MARCKS: variants seen among roughly 807,000 people sequenced by gnomAD.
MARCKS encodes the protein myristoylated alanine rich protein kinase C substrate.
A neutral mutation model predicts 6.3 loss-of-function variants in MARCKS; 4 were observed. The observed-to-expected ratio is 0.63, with a 90% confidence interval of 0.31 to 1.45. The LOEUF is 1.45. Ranked by LOEUF, MARCKS falls within the 40% of genes most tolerant of loss-of-function variation. The probability of loss-of-function intolerance (pLI) is 0.07; values close to 1 mark genes in which losing one functional copy is unlikely to be tolerated. For missense variants in MARCKS, 636 were observed against 485.7 expected, an observed-to-expected ratio of 1.31 and a Z score of -2.91; for synonymous variants, 289 against 236.5, an observed-to-expected ratio of 1.22 and a Z score of -2.04.
intron 1 of MARCKS, among the ~76,000 whole-genome samples, chr6:113,858,633 C>T (rs1163364021): frequency 6.6e-6 from 1 of 152,218 alleles, no homozygotes; most frequent in Non-Finnish European, 1.5e-5. Flanking sequence ...CCCGGCGCTG[C>T]CCGGACCCAG....
chr6:113,857,691 A>T lies in MARCKS; in HGVS notation c.-55A>T. 1 of 1,322,328 alleles carries T rather than the reference A, an allele frequency of 7.6e-7. No individual in the cohort carries two copies. Among genetic ancestry groups the T allele is most frequent in the Non-Finnish European group, 1.0e-6 (1 of 975,226 alleles). 81.9% of individuals were successfully genotyped at this position (1,322,328 alleles called of 1,614,324 possible). A position where few individuals can be genotyped will look rare whatever the true frequency, so the allele number is the denominator to read the frequency against. On this transcript the variant is annotated 5_prime_UTR_variant, in exon 1 of 2. Coordinates refer to ENST00000612661, the MANE Select transcript of MARCKS (RefSeq NM_002356.7). Reference sequence around the variant, plus strand: ...CTCGCCCCGTCGTTACACCAACCCGAGGCTCTTTGTTTCCCCTCTTGGATC... The same window carrying T: ...CTCGCCCCGTCGTTACACCAACCCGTGGCTCTTTGTTTCCCCTCTTGGATC...
rs747021027 is a variant in MARCKS, at chr6:113,860,483, C to T, written c.903C>T (p.Pro301=). Residue 301 remains proline, a synonymous_variant, in exon 2 of 2, where the codon CCC becomes CCT. Transcript: ENST00000612661. ...AGGAGGCAGCCCCCGCGGAGGAGCCCGCGGCCGCCGCAGCCTCGTCAGCCT... is the reference window on the plus strand; with the variant it reads ...AGGAGGCAGCCCCCGCGGAGGAGCCTGCGGCCGCCGCAGCCTCGTCAGCCT... The part of the protein sequence containing the change: ...PEQEAAPAEE[P]AAAAASSACA... 1.3e-6 allele frequency: 2 copies of T among 1,486,992 alleles called. No homozygotes were observed. Among genetic ancestry groups the T allele is most frequent in the Non-Finnish European group, 1.8e-6 (2 of 1,114,834 alleles). 92.1% of individuals were successfully genotyped at this position (1,486,992 alleles called of 1,614,324 possible). A position where few individuals can be genotyped will look rare whatever the true frequency, so the allele number is the denominator to read the frequency against.
chr6:113,857,710 T>G lies in MARCKS; in HGVS notation c.-36T>G. ...AACCCGAGGCTCTTTGTTTCCCCTC[T>G]TGGATCTGTTGAGTTTCTTTGTTGA... On this transcript the variant is annotated 5_prime_UTR_variant, in exon 1 of 2. Coordinates refer to ENST00000612661, the MANE Select transcript of MARCKS (RefSeq NM_002356.7). 1 of 1,492,852 alleles carries G rather than the reference T, an allele frequency of 6.7e-7. No homozygotes were observed. 92.5% of individuals were successfully genotyped at this position (1,492,852 alleles called of 1,614,324 possible).
At chr6:113,859,115 C>T (rs1463651332) in intron 1 of MARCKS, among the ~76,000 whole-genome samples, 2 of 152,170 alleles carry the variant, frequency 1.3e-5, no homozygotes, top group African/African-American at 2.4e-5. Flanking sequence ...GCGCCCCCTG[C>T]CGGTGCCAAA....
At position 113,863,184 on chromosome 6, in the gene MARCKS, C is replaced by G. The variant is rs1774929593; in HGVS notation, c.*2605C>G. The G allele has an allele frequency of 6.6e-6, 1 of 152,118 alleles. No individual in the cohort carries two copies. The highest frequency in any genetic ancestry group is 1.5e-5 in the Non-Finnish European group (1 of 68,002). The allele number at this position is 152,118 out of a possible 1,614,324, so 9.4% of individuals were successfully genotyped here. On this transcript the variant is annotated 3_prime_UTR_variant, in exon 2 of 2. Transcript: ENST00000612661. ...GGTATTGATGGAGTTGGTGGATTTT[C>G]CTCCAAGTGATTAAATGAAATTTGA...
At position 113,859,972 on chromosome 6, in the gene MARCKS, C is replaced by G. The variant is rs747289993; in HGVS notation, c.392C>G (p.Ser131Cys). Reference sequence around the variant, plus strand: ...GAGGGAGAGGCCGCGTCGGCCGCCTCCTCGACTTCTTCGCCCAAGGCCGAG... The same window carrying G: ...GAGGGAGAGGCCGCGTCGGCCGCCTGCTCGACTTCTTCGCCCAAGGCCGAG... ...AAEGEAASAA[S>C]STSSPKAEDG... Residue 131 changes from serine (S) to cysteine (C), a missense_variant, in exon 2 of 2, where the codon TCC becomes TGC. By Grantham distance (112) the Ser-to-Cys change is moderately radical. Coordinates refer to ENST00000612661, the MANE Select transcript of MARCKS (RefSeq NM_002356.7). The G allele has an allele frequency of 6.5e-7, 1 of 1,538,596 alleles. No homozygotes were observed. The highest frequency in any genetic ancestry group is 8.7e-7 in the Non-Finnish European group (1 of 1,149,996).
chr6:113,862,788 C>T lies in MARCKS; in HGVS notation c.*2209C>T, dbSNP rs1239615175. On this transcript the variant is annotated 3_prime_UTR_variant, in exon 2 of 2. Coordinates refer to ENST00000612661, the MANE Select transcript of MARCKS (RefSeq NM_002356.7). ...GAATAATGGATCAAAAATAGTGGTTCATGACCTTACCAAACACCCTTGCTA... is the reference window on the plus strand; with the variant it reads ...GAATAATGGATCAAAAATAGTGGTTTATGACCTTACCAAACACCCTTGCTA... The T allele has an allele frequency of 1.3e-5, 2 of 152,118 alleles. No homozygotes were observed. The highest frequency in any genetic ancestry group is 2.4e-5 in the African/African-American group (1 of 41,440). 9.4% of individuals were successfully genotyped at this position (152,118 alleles called of 1,614,324 possible). A position where few individuals can be genotyped will look rare whatever the true frequency, so the allele number is the denominator to read the frequency against.
Position 113,860,194 on chromosome 6 carries a change from C to T in MARCKS, c.614C>T (p.Ala205Val). Residue 205 changes from alanine to valine, a missense_variant, in exon 2 of 2, where the codon GCC (alanine) becomes GTC (valine). Ala to Val is a moderately conservative substitution (Grantham distance 64). Coordinates refer to ENST00000612661, the MANE Select transcript of MARCKS (RefSeq NM_002356.7). ...GCCGGGGGCGCAGCTGCGGCCGCCG[C>T]CGAGGCGGGCGCGGCCTCCGGGGAG... is the stretch of plus-strand genomic sequence containing the variant. ...EAAGGAAAAA[A>V]EAGAASGEQA... The T allele has an allele frequency of 1.7e-6, 2 of 1,153,846 alleles. No homozygotes were observed. The highest frequency in any genetic ancestry group is 2.1e-6 in the Non-Finnish European group (2 of 933,598). 71.5% of individuals were successfully genotyped at this position (1,153,846 alleles called of 1,614,324 possible).
rs1774901240 is a variant in MARCKS at position 113,861,507 on chromosome 6, C to T, written c.*928C>T. 1.3e-5 allele frequency: 2 copies of T among 152,566 alleles called. No homozygotes were observed. Among genetic ancestry groups the T allele is most frequent in the African/African-American group, 4.8e-5 (2 of 41,412 alleles). 9.5% of individuals were successfully genotyped at this position (152,566 alleles called of 1,614,324 possible). A position where few individuals can be genotyped will look rare whatever the true frequency, so the allele number is the denominator to read the frequency against. On this transcript the variant is annotated 3_prime_UTR_variant, in exon 2 of 2. Transcript: ENST00000612661. ...TTAAAACACAAATTTTAAACTCAAC[C>T]AAGCTGTGATAAGTGGAATGGTTAC... is the stretch of plus-strand genomic sequence containing the variant.
chr6:113,860,453 G>A lies in MARCKS; in HGVS notation c.873G>A (p.Pro291=), dbSNP rs553740716. 1.8e-4 allele frequency: 226 copies of A among 1,288,542 alleles called. 1 individual carries two copies. The African/African-American group carries it at 3.2e-3, about 18-fold the overall frequency. The allele number at this position is 1,288,542 out of a possible 1,614,324, so 79.8% of individuals were successfully genotyped here. A position where few individuals can be genotyped will look rare whatever the true frequency, so the allele number is the denominator to read the frequency against. ...CCGCCGCCGGGCCCGGCGCGCCCCC[G>A]GAGCAGGAGGCAGCCCCCGCGGAGG... ...APSAAGPGAP[P]EQEAAPAEEP... Residue 291 remains proline (P), a synonymous_variant, in exon 2 of 2, where the codon CCG becomes CCA. Coordinates refer to ENST00000612661, the MANE Select transcript of MARCKS (RefSeq NM_002356.7).
rs1293024277 is a variant in MARCKS at position 113,862,597 on chromosome 6, ATCAAAAAC to A, written c.*2019_*2026del. On this transcript the variant is annotated 3_prime_UTR_variant, in exon 2 of 2. Coordinates refer to ENST00000612661, the MANE Select transcript of MARCKS (RefSeq NM_002356.7). ...AAACTGATTGAAATTTAAGATATGT[ATCAAAAAC>A]ATTATTTCATTTAATGCACATCTGT... 6.6e-6 allele frequency: 1 copy of A among 152,126 alleles called. No individual in the cohort carries two copies. Among genetic ancestry groups the A allele is most frequent in the Non-Finnish European group, 1.5e-5 (1 of 67,966 alleles). 9.4% of individuals were successfully genotyped at this position (152,126 alleles called of 1,614,324 possible).
rs1476827672 is a variant in MARCKS at position 113,862,566 on chromosome 6, G to A, written c.*1987G>A. On this transcript the variant is annotated 3_prime_UTR_variant, in exon 2 of 2. Transcript: ENST00000612661. ...TAACTGGATATCTTTTCCTTCAAAG[G>A]ACCCTAAACTGATTGAAATTTAAGA... is the stretch of plus-strand genomic sequence containing the variant. 2.0e-5 allele frequency: 3 copies of A among 151,902 alleles called. No homozygotes were observed. Among genetic ancestry groups the A allele is most frequent in the African/African-American group, 7.3e-5 (3 of 41,356 alleles). 9.4% of individuals were successfully genotyped at this position (151,902 alleles called of 1,614,324 possible).
In MARCKS at chr6:113,860,556, C is replaced by T. The variant is rs775757329; in HGVS notation, c.976C>T (p.Pro326Ser). 1.3e-6 allele frequency: 2 copies of T among 1,558,758 alleles called. No homozygotes were observed. The highest frequency in any genetic ancestry group is 1.7e-6 in the Non-Finnish European group (2 of 1,157,038). The change falls in exon 2 of 2, where the codon CCC becomes TCC. Residue 326 changes from proline (P) to serine (S), a missense_variant. By Grantham distance (74) the Pro-to-Ser change is moderately conservative. Transcript: ENST00000612661. ...CCAGCCCGAGTGCAGTCCAGAAGCC[C>T]CCCCAGCGGAGGCGGCAGAGTAAAA... ...EAQPECSPEAPPAEAAE is the reference protein window; with the variant it reads ...EAQPECSPEASPAEAAE
Position 113,860,553 on chromosome 6 carries a change from GC to G in MARCKS, c.980del (p.Pro327GlnfsTer42), listed in dbSNP as rs770972906. 15 of 1,558,104 alleles carry G rather than the reference GC, an allele frequency of 9.6e-6. No homozygotes were observed. The highest frequency in any genetic ancestry group is 7.9e-5 in the Admixed American group (4 of 50,952). On this transcript the variant is annotated frameshift_variant, in exon 2 of 2. Coordinates refer to ENST00000612661, the MANE Select transcript of MARCKS (RefSeq NM_002356.7). LOFTEE classifies it high-confidence loss of function. ...GGCCCAGCCCGAGTGCAGTCCAGAA[GC>G]CCCCCCAGCGGAGGCGGCAGAGTAA... ...QEAQPECSPE[A>X]PPAEAAE
chr6:113,859,887 G>C lies in MARCKS; in HGVS notation c.307G>C (p.Val103Leu). 7.0e-7 allele frequency: 1 copy of C among 1,434,474 alleles called. No homozygotes were observed. The highest frequency in any genetic ancestry group is 9.1e-7 in the Non-Finnish European group (1 of 1,096,724). 88.9% of individuals were successfully genotyped at this position (1,434,474 alleles called of 1,614,324 possible). A position where few individuals can be genotyped will look rare whatever the true frequency, so the allele number is the denominator to read the frequency against. ...AAAPEAGASP[V>L]EKEAPAEGEA... ...TGCCCCCGAGGCCGGGGCCAGCCCGGTAGAGAAGGAGGCCCCCGCGGAAGG... is the reference window on the plus strand; with the variant it reads ...TGCCCCCGAGGCCGGGGCCAGCCCGCTAGAGAAGGAGGCCCCCGCGGAAGG... Residue 103 changes from valine (V) to leucine (L), a missense_variant, in exon 2 of 2, where the codon GTA becomes CTA. Val to Leu is a conservative substitution (Grantham distance 32, BLOSUM62 1). Coordinates refer to ENST00000612661, the MANE Select transcript of MARCKS (RefSeq NM_002356.7).
intron 1 of MARCKS, 144 bp from the exon 2 acceptor site, chr6:113,859,539 C>G: frequency 1.5e-6 from 1 of 654,876 alleles, no homozygotes; most frequent in Non-Finnish European, 2.2e-6. Context: ...CCACCCGCGC[C>G]TCCCTCCCCA....
chr6:113,859,152 G>A (rs952770844), intron 1 of MARCKS, among the ~76,000 whole-genome samples: 3 of 152,198 alleles, frequency 2.0e-5, no homozygotes, highest in Non-Finnish European at 4.4e-5. Context: ...GGAGCTCGGA[G>A]GGCCCCGCGC....
chr6:113,857,536 T>G lies in MARCKS; in HGVS notation c.-210T>G. On this transcript the variant is annotated 5_prime_UTR_variant, in exon 1 of 2. Coordinates refer to ENST00000612661, the MANE Select transcript of MARCKS (RefSeq NM_002356.7). ...TCCCTCCTGTGCTGCTGCTTTTTGA[T>G]CTCTTCGACTAAAATTTTTTTATCC... 1 of 552,172 alleles carries G rather than the reference T, an allele frequency of 1.8e-6. No individual in the cohort carries two copies. The highest frequency in any genetic ancestry group is 2.1e-5 in the South Asian group (1 of 47,928). The allele number at this position is 552,172 out of a possible 1,614,324, so 34.2% of individuals were successfully genotyped here.
At position 113,861,045 on chromosome 6, in the gene MARCKS, T is replaced by C. The variant is rs1774893709; in HGVS notation, c.*466T>C. The C allele has an allele frequency of 6.6e-6, 1 of 151,112 alleles. No individual in the cohort carries two copies. The highest frequency in any genetic ancestry group is 1.5e-5 in the Non-Finnish European group (1 of 67,842). 9.4% of individuals were successfully genotyped at this position (151,112 alleles called of 1,614,324 possible). ...GTGGTGCATAACATTGCCAAAATAGTGTGCCACTAGAAATGGTGTAAAGGC... is the reference window on the plus strand; with the variant it reads ...GTGGTGCATAACATTGCCAAAATAGCGTGCCACTAGAAATGGTGTAAAGGC... On this transcript the variant is annotated 3_prime_UTR_variant, in exon 2 of 2. Transcript: ENST00000612661.
Sources: gnomAD v4.1 joint callset for allele counts (sites outside exome capture counted in the v4.1 genomes callset) on GRCh38, gnomAD v4.1.1 for gene constraint, MANE v1.5 for transcripts, NCBI Gene and HGNC (gene_info 2026-07-23, HGNC 2026-07-21) for gene names.